The following SH2D1B variants were observed in gnomAD, a reference collection of about 807,000 sequenced individuals.
SH2D1B encodes SH2 domain containing 1B, also known as SH2 domain-containing protein 1B.
Under a neutral mutation model 16.3 loss-of-function variants are expected in SH2D1B, and 11 were observed. That is an observed-to-expected ratio of 0.67 (90% CI 0.42 to 1.11). SH2D1B has a LOEUF of 1.11. Ranked by LOEUF, SH2D1B falls within the 50% of genes most tolerant of loss-of-function variation. The pLI, the probability that SH2D1B is intolerant of heterozygous loss-of-function variation, is 0.00. For missense variants in SH2D1B, 123 were observed against 153.1 expected (o/e 0.80, Z 1.04); for synonymous variants, 55 against 56.1 (o/e 0.98, Z 0.09).
Position 162,406,842 on chromosome 1 carries a change from C to T in SH2D1B, c.135-4040G>A, listed in dbSNP as rs117981468. On this transcript the variant is annotated intron_variant, in intron 1 of 3. Coordinates refer to ENST00000367929, the MANE Select transcript of SH2D1B (RefSeq NM_053282.5). Reference sequence around the variant, plus strand: ...GGCTTTGCAAAGTCCTCCTTTTCTTCACACTTGCAGATGAATCCTTTGCAC... The same window carrying T: ...GGCTTTGCAAAGTCCTCCTTTTCTTTACACTTGCAGATGAATCCTTTGCAC... Among the ~76,000 whole-genome samples the T allele has an allele frequency of 2.6e-5, 4 of 152,314 alleles. No homozygotes were observed. The East Asian group carries it at 7.7e-4, about 29-fold the overall frequency.
intron 2 of SH2D1B, among the ~76,000 whole-genome samples, chr1:162,400,962 A>G (rs1394606715): frequency 6.6e-6 from 1 of 152,068 alleles, no homozygotes; most frequent in Non-Finnish European, 1.5e-5. Flanking sequence ...CCACACACAC[A>G]TGAATTTTCT....
Position 162,403,511 on chromosome 1 carries a change from AATATATATATATAT to A in SH2D1B, c.135-723_135-710del, listed in dbSNP as rs201259868. On this transcript the variant is annotated intron_variant, in intron 1 of 3. Coordinates refer to ENST00000367929, the MANE Select transcript of SH2D1B (RefSeq NM_053282.5). ...CTGAAAAAAAAAAAAAAAAAAAAAA[AATATATATATATAT>A]ATATATATATATATATATGTAATTA... Among the ~76,000 whole-genome samples, 71 of 42,024 alleles carry A rather than the reference AATATATATATATAT, an allele frequency of 1.7e-3. 1 individual carries two copies. Among genetic ancestry groups the A allele is most frequent in the South Asian group, 4.1e-3 (4 of 968 alleles). The allele number at this position is 42,024 out of a possible 152,430, so 27.6% of individuals were successfully genotyped here. A position where few individuals can be genotyped will look rare whatever the true frequency, so the allele number is the denominator to read the frequency against.
intron 2 of SH2D1B, 137 bp downstream of exon 2, chr1:162,402,602 A>G (rs1174763196): frequency 1.5e-6 from 1 of 668,420 alleles, no homozygotes; most frequent in Non-Finnish European, 2.6e-6. Context: ...GGTTAACTCG[A>G]TCTGACTCTC....
chr1:162,411,744 T>TACTTCTCCA (rs2101865950), intron 1 of SH2D1B, 139 bp downstream of exon 1: 1 of 1,129,030 alleles, frequency 8.9e-7, no homozygotes, highest in East Asian at 2.5e-5. Flanking sequence ...CTCCTGGCAG[T>TACTTCTCCA]GTCCATTACT....
At chr1:162,405,913 G>A (rs375998160) in intron 1 of SH2D1B, among the ~76,000 whole-genome samples, 6 of 152,298 alleles carry the variant, frequency 3.9e-5, no homozygotes, top group African/African-American at 9.6e-5. Context: ...AGATTAGCAC[G>A]GTCTCATGTT....
At chr1:162,398,852 A>C in intron 3 of SH2D1B, 71 bp downstream of exon 3, 1 of 1,490,426 alleles carries the variant, frequency 6.7e-7, no homozygotes, top group Non-Finnish European at 9.1e-7. Context: ...GTCTGTATTG[A>C]GTTTACAAAG....
chr1:162,398,185 G>A (rs1335306129), intron 3 of SH2D1B, among the ~76,000 whole-genome samples: 1 of 152,182 alleles, frequency 6.6e-6, no homozygotes. Context: ...CCCTCTCCTA[G>A]GGAGGATATC....
chr1:162,406,259 A>G (rs1248283142), intron 1 of SH2D1B, among the ~76,000 whole-genome samples: 1 of 152,202 alleles, frequency 6.6e-6, no homozygotes, highest in Non-Finnish European at 1.5e-5. Context: ...TAAGTACAAA[A>G]ATGTTAATCA....
At chr1:162,406,860 C>T (rs1648664215) in intron 1 of SH2D1B, among the ~76,000 whole-genome samples, 1 of 152,170 alleles carries the variant, frequency 6.6e-6, no homozygotes, top group African/African-American at 2.4e-5. Context: ...CAGATGAATC[C>T]TTTGCACCTC....
chr1:162,398,797 G>T, intron 3 of SH2D1B, 126 bp downstream of exon 3: 1 of 1,169,488 alleles, frequency 8.6e-7, no homozygotes, highest in Non-Finnish European at 1.2e-6. Context: ...ATTGCTCTTA[G>T]TAGGATGAAG....
At chr1:162,411,702 G>A (rs1404570710) in intron 1 of SH2D1B, among the ~76,000 whole-genome samples, 181 bp downstream of exon 1, 1 of 152,116 alleles carries the variant, frequency 6.6e-6, no homozygotes, top group African/African-American at 2.4e-5. Context: ...GGGAGAGCAG[G>A]CAGATGGAGG....
At chr1:162,411,801 G>A (rs1648800417) in intron 1 of SH2D1B, 82 bp downstream of exon 1, 1 of 1,566,866 alleles carries the variant, frequency 6.4e-7, no homozygotes, top group Admixed American at 1.7e-5. Context: ...AAATACTGAG[G>A]GATATGAATT....
Position 162,397,023 on chromosome 1 carries a change from A to ATT in SH2D1B, c.*256_*257insAA, listed in dbSNP as rs1202735546. ...GTACCTTTAACAAGTCAAAGGGAAA[A>ATT]TGTTCAGGCTGTCCCATTCCAAGAA... On this transcript the variant is annotated 3_prime_UTR_variant, in exon 4 of 4. Coordinates refer to ENST00000367929, the MANE Select transcript of SH2D1B (RefSeq NM_053282.5). 2.1e-6 allele frequency: 1 copy of ATT among 477,440 alleles called. No individual in the cohort carries two copies. Among genetic ancestry groups the ATT allele is most frequent in the Non-Finnish European group, 3.8e-6 (1 of 260,520 alleles). The allele number at this position is 477,440 out of a possible 1,614,324, so 29.6% of individuals were successfully genotyped here.
Position 162,397,322 on chromosome 1 carries a change from A to G in SH2D1B, c.364-7T>C. 6.2e-7 allele frequency: 1 copy of G among 1,613,436 alleles called. No individual in the cohort carries two copies. Among genetic ancestry groups the G allele is most frequent in the Non-Finnish European group, 8.5e-7 (1 of 1,179,776 alleles). ...CATAATCGCTGTTACTGTTCTTTGG[A>G]GGGAAAAAAAAAGCAGAAGACCAGC... On this transcript the variant is annotated splice_region_variant and splice_polypyrimidine_tract_variant and intron_variant, in intron 3 of 3. Coordinates refer to ENST00000367929, the MANE Select transcript of SH2D1B (RefSeq NM_053282.5).
At position 162,402,879 on chromosome 1, in the gene SH2D1B, A is replaced by G. The variant is rs562727599; in HGVS notation, c.135-77T>C. 28 of 1,122,744 alleles carry G rather than the reference A, an allele frequency of 2.5e-5. No homozygotes were observed. The East Asian group carries it at 3.1e-4, about 12-fold the overall frequency. The allele number at this position is 1,122,744 out of a possible 1,614,324, so 69.5% of individuals were successfully genotyped here. On this transcript the variant is annotated intron_variant, in intron 1 of 3. Transcript: ENST00000367929. ...ACATCTATCGTTATGTTTCATATGC[A>G]ATACCTTTGTTAATCTACAATCCTA...
chr1:162,412,125 AC>A lies in SH2D1B; in HGVS notation c.-110del, dbSNP rs1190343621. 4.2e-6 allele frequency: 6 copies of A among 1,417,270 alleles called. No individual in the cohort carries two copies. The Admixed American group carries it at 9.3e-5, about 22-fold the overall frequency. The allele number at this position is 1,417,270 out of a possible 1,614,324, so 87.8% of individuals were successfully genotyped here. ...AAGCAGCTGTACCTCCTGTGGAGCT[AC>A]CTCTTCCTCTAGCGGTCTGTGGGAC... On this transcript the variant is annotated 5_prime_UTR_variant, in exon 1 of 4. Transcript: ENST00000367929.
Position 162,411,900 on chromosome 1 carries a change from G to C in SH2D1B, c.117C>G (p.Val39=), listed in dbSNP as rs139368528. 4.1e-4 allele frequency: 668 copies of C among 1,614,140 alleles called. 3 individuals are homozygous for C. The Middle Eastern group carries it at 4.6e-3, about 11-fold the overall frequency. The change falls in exon 1 of 4, where the codon GTC becomes GTG. Residue 39 remains valine (V), a synonymous_variant. Coordinates refer to ENST00000367929, the MANE Select transcript of SH2D1B (RefSeq NM_053282.5). ...CTACTCACGAGACACAGAGGCACAGGACTCCTGGTATCGACTCGCTGTCTC... is the reference window on the plus strand; with the variant it reads ...CTACTCACGAGACACAGAGGCACAGCACTCCTGGTATCGACTCGCTGTCTC... ...LLRDSESIPG[V]LCLCVSFKNI...
At chr1:162,402,857 T>C in intron 1 of SH2D1B, 55 bp from the exon 2 acceptor site, 2 of 1,388,674 alleles carry the variant, frequency 1.4e-6, no homozygotes, top group South Asian at 1.2e-5. Flanking sequence ...CCAGGTAACA[T>C]CTATCGTTAT....
intron 3 of SH2D1B, 149 bp from the exon 4 acceptor site, chr1:162,397,464 T>C: frequency 1.3e-6 from 1 of 764,782 alleles, no homozygotes; most frequent in Non-Finnish European, 2.1e-6. Context: ...AAGGCTGGGG[T>C]ACTACAGGGA....
Sources: allele counts gnomAD v4.1 joint callset (sites outside exome capture counted in the v4.1 genomes callset), GRCh38; gene constraint gnomAD v4.1.1; transcripts MANE v1.5; gene names NCBI Gene and HGNC (gene_info 2026-07-23, HGNC 2026-07-21).